The following PPARGC1B variants were observed in gnomAD, a reference collection of about 807,000 sequenced individuals.
PPARGC1B encodes the protein peroxisome proliferator-activated receptor gamma coactivator 1-beta.
In PPARGC1B, 34 loss-of-function variants were observed where a neutral mutation model predicts 101.6. The ratio of observed to expected loss-of-function variants is 0.33; its 90% CI spans 0.25 to 0.45. PPARGC1B has a LOEUF of 0.45. Ranked by LOEUF, PPARGC1B falls within the 20% of genes least tolerant of loss-of-function variation. The pLI, the probability that PPARGC1B is intolerant of heterozygous loss-of-function variation, is 1.00. For missense variants in PPARGC1B, 1,234 were observed against 1,317.6 expected, an observed-to-expected ratio of 0.94 and a Z score of 0.98; for synonymous variants, 548 against 539.3, an observed-to-expected ratio of 1.02 and a Z score of -0.22.
intron 2 of PPARGC1B, among the ~76,000 whole-genome samples, chr5:149,823,371 C>T (rs1758377560): frequency 6.6e-6 from 1 of 152,104 alleles, no homozygotes; most frequent in Non-Finnish European, 1.5e-5. Flanking sequence ...ATTTAAGCCC[C>T]ATGGATAGTA....
chr5:149,813,553 G>T (rs770061722), intron 1 of PPARGC1B, among the ~76,000 whole-genome samples: 19 of 152,152 alleles, frequency 1.2e-4, no homozygotes, highest in Admixed American at 5.2e-4. Flanking sequence ...TATGGGTCAG[G>T]GGATGAGTTC....
At position 149,847,544 on chromosome 5, in the gene PPARGC1B, C is replaced by G. The variant is rs1360735120; in HGVS notation, c.3058C>G (p.Gln1020Glu). Residue 1020 changes from glutamine to glutamate, a missense_variant, in exon 12 of 12, where the codon CAG (glutamine) becomes GAG (glutamate). Gln to Glu is a conservative substitution (Grantham distance 29). Coordinates refer to ENST00000309241, the MANE Select transcript of PPARGC1B (RefSeq NM_133263.4). ...TGACAGCTTACTGAAAGAGGCCCAG[C>G]AGAGCCTGCATTGATAACAGCCTTA... ...DFDSLLKEAQ[Q>E]SLH The G allele has an allele frequency of 3.7e-6, 6 of 1,613,704 alleles. No homozygotes were observed. In the South Asian group the frequency reaches 6.6e-5, roughly 18 times the overall value.
At chr5:149,744,352 G>A (rs570333054) in intron 1 of PPARGC1B, among the ~76,000 whole-genome samples, 1 of 152,322 alleles carries the variant, frequency 6.6e-6, no homozygotes, top group South Asian at 2.1e-4. Context: ...TGGGGTGAGA[G>A]GTGAGGATCT....
Position 149,833,797 on chromosome 5 carries a change from C to T in PPARGC1B, c.1705+19C>T, listed in dbSNP as rs377536014. ...CCCAGAGGTAGTCAGAGTTGGTGGT[C>T]TGCGAAGTGGGGGCAGGGATGGGGT... On this transcript the variant is annotated intron_variant, in intron 5 of 11. Transcript: ENST00000309241. This position sits in a 1 kb window ranked among gnomAD's most constrained non-coding sequence, Gnocchi z 4.1. 142 of 1,473,072 alleles carry T rather than the reference C, an allele frequency of 9.6e-5. No homozygotes were observed. The highest frequency in any genetic ancestry group is 1.2e-4 in the Non-Finnish European group (136 of 1,116,354). 91.3% of individuals were successfully genotyped at this position (1,473,072 alleles called of 1,614,324 possible). A position where few individuals can be genotyped will look rare whatever the true frequency, so the allele number is the denominator to read the frequency against.
At chr5:149,844,912 C>T (rs1759495036) in intron 10 of PPARGC1B, among the ~76,000 whole-genome samples, 1 of 152,154 alleles carries the variant, frequency 6.6e-6, no homozygotes, top group African/African-American at 2.4e-5. Flanking sequence ...CTCCTGGTTG[C>T]AGAGTGGCTG....
chr5:149,828,898 T>A (rs1206009423), intron 3 of PPARGC1B, among the ~76,000 whole-genome samples: 27 of 148,598 alleles, frequency 1.8e-4, no homozygotes, highest in Non-Finnish European at 2.8e-4. Flanking sequence ...TTTTTTTTTT[T>A]AAATTAGCCC....
chr5:149,757,662 C>T (rs781717613), intron 1 of PPARGC1B, among the ~76,000 whole-genome samples: 9 of 152,166 alleles, frequency 5.9e-5, no homozygotes, highest in Admixed American at 2.0e-4. Flanking sequence ...CTTGGATCTG[C>T]GATTTAACAC....
intron 1 of PPARGC1B, among the ~76,000 whole-genome samples, chr5:149,793,685 G>A (rs1757104291): frequency 2.0e-5 from 3 of 152,214 alleles, no homozygotes; most frequent in Non-Finnish European, 2.9e-5. Flanking sequence ...CCAGTCCACT[G>A]CCGATCAGAA....
chr5:149,793,586 A>T (rs145106508), intron 1 of PPARGC1B, among the ~76,000 whole-genome samples: 1 of 152,162 alleles, frequency 6.6e-6, no homozygotes, highest in Non-Finnish European at 1.5e-5. Context: ...CATCATAAAG[A>T]TCAGGCACTG....
In PPARGC1B at chr5:149,774,086, T is replaced by G. The variant is rs537126403; in HGVS notation, c.78+43666T>G. On this transcript the variant is annotated intron_variant, in intron 1 of 11. Transcript: ENST00000309241. ...GTTAAGAGAGCAAAGAAGGTACTTG[T>G]CCTGGGTCCCCCTTTCAGCTCTGAC... Among the ~76,000 whole-genome samples, 28 of 152,324 alleles carry G rather than the reference T, an allele frequency of 1.8e-4. No individual in the cohort carries two copies. In the South Asian group the frequency reaches 5.2e-3, roughly 28 times the overall value.
chr5:149,730,418 C>G lies in PPARGC1B; in HGVS notation c.76C>G (p.Gln26Glu), dbSNP rs1416197556. 1.3e-6 allele frequency: 2 copies of G among 1,554,336 alleles called. No homozygotes were observed. Among genetic ancestry groups the G allele is most frequent in the South Asian group, 2.4e-5 (2 of 83,210 alleles). Reference sequence around the variant, plus strand: ...CTTCCTCAACTATCTCGCTGACACGCAGGTACGGCCGGCTGGGGCTGCGGG... The same window carrying G: ...CTTCCTCAACTATCTCGCTGACACGGAGGTACGGCCGGCTGGGGCTGCGGG... The part of the protein sequence containing the change: ...SFFLNYLADT[Q>E]GGGSGEEQLY... The change falls in exon 1 of 12, where the codon CAG (glutamine) becomes GAG (glutamate). Residue 26 changes from glutamine (Q) to glutamate (E), a missense_variant and splice_region_variant. By Grantham distance (29) the Gln-to-Glu change is conservative. Coordinates refer to ENST00000309241, the MANE Select transcript of PPARGC1B (RefSeq NM_133263.4). This position sits in a 1 kb window ranked among gnomAD's most constrained non-coding sequence, Gnocchi z 4.0.
intron 2 of PPARGC1B, among the ~76,000 whole-genome samples, chr5:149,824,932 C>T (rs926618647): frequency 3.3e-5 from 5 of 152,344 alleles, no homozygotes; most frequent in Admixed American, 2.6e-4. Context: ...GCTGCTGCTC[C>T]GGCTGTAAGG....
chr5:149,738,183 A>G (rs1185795642), intron 1 of PPARGC1B, among the ~76,000 whole-genome samples: 2 of 152,174 alleles, frequency 1.3e-5, no homozygotes, highest in Admixed American at 6.5e-5. Context: ...CGTTTATTTC[A>G]TCCACCTTGT....
chr5:149,799,783 CGCCTCCCGGGTTCAAGTGATTATCCT>C (rs1757373089), intron 1 of PPARGC1B, among the ~76,000 whole-genome samples: 1 of 142,838 alleles, frequency 7.0e-6, no homozygotes, highest in South Asian at 2.4e-4. Context: ...CTGCAACCTC[CGCCTCCCGGGTTCAAGTGATTATCCT>C]GCCTCAGCCT....
chr5:149,809,972 G>A (rs1055013570), intron 1 of PPARGC1B, among the ~76,000 whole-genome samples: 3 of 152,084 alleles, frequency 2.0e-5, no homozygotes, highest in Non-Finnish European at 4.4e-5. Flanking sequence ...CCAGGCTGAG[G>A]AAGGCTCCAG....
intron 1 of PPARGC1B, among the ~76,000 whole-genome samples, chr5:149,779,716 G>A (rs1756524813): frequency 6.6e-6 from 1 of 152,208 alleles, no homozygotes. Flanking sequence ...AAAAGGTCTG[G>A]AGGGGTTCCA....
intron 11 of PPARGC1B, 38 bp downstream of exon 11, chr5:149,845,952 CA>C: frequency 6.2e-7 from 1 of 1,613,778 alleles, no homozygotes; most frequent in Non-Finnish European, 8.5e-7. Flanking sequence ...TAGTAAGACT[CA>C]AAGCTTGGGA....
rs1758241230 is a variant in PPARGC1B, at chr5:149,820,416, C to G, written c.79-17C>G. On this transcript the variant is annotated splice_polypyrimidine_tract_variant and intron_variant, in intron 1 of 11. Transcript: ENST00000309241. Reference sequence around the variant, plus strand: ...AGCCTCAGCTCTGATCCACCTCTTTCCTTCCTGTCTCCTCAGGGTGGAGGG... The same window carrying G: ...AGCCTCAGCTCTGATCCACCTCTTTGCTTCCTGTCTCCTCAGGGTGGAGGG... 2 of 1,611,232 alleles carry G rather than the reference C, an allele frequency of 1.2e-6. No individual in the cohort carries two copies. The highest frequency in any genetic ancestry group is 2.2e-5 in the South Asian group (2 of 90,834).
At chr5:149,842,490 C>T in intron 10 of PPARGC1B, 113 bp downstream of exon 10, 1 of 1,469,656 alleles carries the variant, frequency 6.8e-7, no homozygotes, top group South Asian at 1.3e-5. Context: ...TGACAAAATC[C>T]ATAGCCTAGA....
Sources: allele counts gnomAD v4.1 joint callset (sites outside exome capture counted in the v4.1 genomes callset), GRCh38; gene constraint gnomAD v4.1.1; non-coding constraint Gnocchi (gnomAD v3.1); transcripts MANE v1.5; gene names NCBI Gene and HGNC (gene_info 2026-07-23, HGNC 2026-07-21).